The following NAALADL2 variants were observed in gnomAD, a reference collection of about 807,000 sequenced individuals.
NAALADL2 encodes inactive N-acetylated-alpha-linked acidic dipeptidase-like protein 2.
A neutral mutation model predicts 87.2 loss-of-function variants in NAALADL2; 76 were observed. The observed-to-expected ratio is 0.87, with a 90% CI of 0.72 to 1.05. The LOEUF is 1.05. Ranked by LOEUF, NAALADL2 falls within the 50% of genes least tolerant of loss-of-function variation. The pLI is 0.00. For missense variants in NAALADL2, 1,089 were observed against 945.8 expected (o/e 1.15, Z -1.99); for synonymous variants, 354 against 331.0 (o/e 1.07, Z -0.75).
intron 2 of NAALADL2, among the ~76,000 whole-genome samples, chr3:174,643,459 C>T (rs1045526275): frequency 6.6e-6 from 1 of 152,048 alleles, no homozygotes; most frequent in Non-Finnish European, 1.5e-5. Context: ...CGAGACCAGC[C>T]TTGGCCAACA....
intron 9 of NAALADL2, among the ~76,000 whole-genome samples, chr3:175,526,579 T>C (rs1733444149): frequency 6.6e-6 from 1 of 152,048 alleles, no homozygotes; most frequent in African/African-American, 2.4e-5. Flanking sequence ...TATTTCAGGT[T>C]ATCTAAGCGG....
At chr3:175,775,775 C>T (rs990077674) in intron 13 of NAALADL2, among the ~76,000 whole-genome samples, 2 of 152,056 alleles carry the variant, frequency 1.3e-5, no homozygotes, top group African/African-American at 4.8e-5. Context: ...CAAGAGTCAA[C>T]GGAGAAGCAA....
rs138514832 is a variant in NAALADL2 at position 175,245,734 on chromosome 3, G to A, written c.820-10677G>A. ...TATCTGGTTCTTTGCAACAAAGACAGCAAAATTGATTGTATATCTTACGCT... is the reference window on the plus strand; with the variant it reads ...TATCTGGTTCTTTGCAACAAAGACAACAAAATTGATTGTATATCTTACGCT... On this transcript the variant is annotated intron_variant, in intron 3 of 13. Transcript: ENST00000454872. Among the ~76,000 whole-genome samples, 1,142 of 152,274 alleles carry A rather than the reference G, an allele frequency of 7.5e-3. 16 individuals are homozygous for A. Among genetic ancestry groups the A allele is most frequent in the African/African-American group, 0.025 (1,037 of 41,546 alleles).
At chr3:175,082,720 G>T (rs931449321) in intron 1 of NAALADL2, among the ~76,000 whole-genome samples, 5 of 152,122 alleles carry the variant, frequency 3.3e-5, no homozygotes, top group Non-Finnish European at 5.9e-5. Flanking sequence ...TGCTTTAGGA[G>T]CTATTTAATT....
intron 9 of NAALADL2, among the ~76,000 whole-genome samples, chr3:175,556,615 A>G (rs535315148): frequency 1.3e-5 from 2 of 152,284 alleles, no homozygotes; most frequent in South Asian, 4.1e-4. Context: ...AATTGACATC[A>G]TTTTGCTGAA....
At chr3:175,117,340 A>G (rs1246792222) in intron 2 of NAALADL2, among the ~76,000 whole-genome samples, 1 of 152,168 alleles carries the variant, frequency 6.6e-6, no homozygotes, top group African/African-American at 2.4e-5. Flanking sequence ...AAAGAATGGG[A>G]GAAAATTTTT....
rs13067984 is a variant in NAALADL2 at position 175,185,303 on chromosome 3, G to A, written c.546-48628G>A. Among the ~76,000 whole-genome samples, 1,299 of 152,128 alleles carry A rather than the reference G, an allele frequency of 8.5e-3. 3 individuals are homozygous for A. Among genetic ancestry groups the A allele is most frequent in the South Asian group, 0.023 (113 of 4,824 alleles). On this transcript the variant is annotated intron_variant, in intron 2 of 13. Coordinates refer to ENST00000454872, the MANE Select transcript of NAALADL2 (RefSeq NM_207015.3). ...AATTCTACTCCTAATTGTATGCCCT[G>A]AAGAGACTTGTCTACATATGCACAA... is the stretch of plus-strand genomic sequence containing the variant.
Position 175,052,304 on chromosome 3 carries a change from C to T in NAALADL2, c.44-44486C>T, listed in dbSNP as rs537272796. Among the ~76,000 whole-genome samples the T allele has an allele frequency of 3.3e-5, 5 of 152,310 alleles. No individual in the cohort carries two copies. The South Asian group carries it at 1.0e-3, about 32-fold the overall frequency. On this transcript the variant is annotated intron_variant, in intron 1 of 13. Coordinates refer to ENST00000454872, the MANE Select transcript of NAALADL2 (RefSeq NM_207015.3). ...ACAACCTTCCAGGTGGGTGTCATGG[C>T]CATCATGAACATGTCACAGTGCTGC...
intron 6 of NAALADL2, among the ~76,000 whole-genome samples, chr3:175,461,692 T>C (rs184098912): frequency 4.2e-4 from 64 of 152,284 alleles, no homozygotes; most frequent in Non-Finnish European, 1.2e-4. Flanking sequence ...ATATATTGAA[T>C]TTTAGAAAAC....
At chr3:175,154,541 G>A (rs183633870) in intron 2 of NAALADL2, among the ~76,000 whole-genome samples, 3 of 151,986 alleles carry the variant, frequency 2.0e-5, no homozygotes, top group African/African-American at 7.2e-5. Context: ...ATTATTATCT[G>A]AAAAACATTT....
At chr3:174,832,448 G>C (rs2109376750) in intron 3 of NAALADL2, among the ~76,000 whole-genome samples, 1 of 152,110 alleles carries the variant, frequency 6.6e-6, no homozygotes, top group Admixed American at 6.6e-5. Context: ...CTGAGTTCTA[G>C]TTTGATTGCC....
At chr3:174,585,591 T>C (rs757850317) in intron 2 of NAALADL2, among the ~76,000 whole-genome samples, 1 of 152,172 alleles carries the variant, frequency 6.6e-6, no homozygotes, top group Non-Finnish European at 1.5e-5. Context: ...TCTGTGCTAG[T>C]AGTTCTCAGT....
At chr3:174,684,130 T>C (rs1384421560) in intron 2 of NAALADL2, among the ~76,000 whole-genome samples, 4 of 152,188 alleles carry the variant, frequency 2.6e-5, no homozygotes, top group African/African-American at 9.6e-5. Flanking sequence ...TCCTTGTATA[T>C]ACTAGATTCA....
At chr3:174,602,756 G>C (rs992464900) in intron 2 of NAALADL2, among the ~76,000 whole-genome samples, 2 of 151,954 alleles carry the variant, frequency 1.3e-5, no homozygotes, top group African/African-American at 4.8e-5. Flanking sequence ...GATATTAGCT[G>C]TGGGTTTGTT....
chr3:175,727,424 A>G (rs1743087856), intron 11 of NAALADL2, among the ~76,000 whole-genome samples: 1 of 152,200 alleles, frequency 6.6e-6, no homozygotes, highest in African/African-American at 2.4e-5. Flanking sequence ...TGGACCAAAC[A>G]GGATAAGTCA....
chr3:175,158,243 T>G (rs2108821583), intron 2 of NAALADL2, among the ~76,000 whole-genome samples: 1 of 152,160 alleles, frequency 6.6e-6, no homozygotes, highest in South Asian at 2.1e-4. Context: ...TTCAGTAGGG[T>G]TACGGATTTT....
At chr3:175,350,681 C>T (rs1453075234) in intron 5 of NAALADL2, among the ~76,000 whole-genome samples, 1 of 152,068 alleles carries the variant, frequency 6.6e-6, no homozygotes, top group East Asian at 1.9e-4. Context: ...ACAAAGAAAT[C>T]ATGAATTTTT....
intron 3 of NAALADL2, among the ~76,000 whole-genome samples, chr3:174,797,292 G>GTTTTTTTTTTTTTTTT (rs1468962061): frequency 9.1e-6 from 1 of 109,644 alleles, no homozygotes; most frequent in Admixed American, 9.2e-5. Flanking sequence ...TTTTTCTTTT[G>GTTTTTTTTTTTTTTTT]TTTTTCTTTT....
chr3:174,561,487 AC>A (rs1348005972), intron 2 of NAALADL2, among the ~76,000 whole-genome samples: 2 of 152,250 alleles, frequency 1.3e-5, no homozygotes, highest in Non-Finnish European at 2.9e-5. Context: ...GCCATGAGCC[AC>A]CATGCCGGGC....
Sources: allele counts gnomAD v4.1 joint callset (sites outside exome capture counted in the v4.1 genomes callset), GRCh38; gene constraint gnomAD v4.1.1; transcripts MANE v1.5; gene names NCBI Gene and HGNC (gene_info 2026-07-23, HGNC 2026-07-21).